SVOPL: variants seen among roughly 807,000 people sequenced by gnomAD.
The protein encoded by SVOPL is putative transporter SVOPL.
A neutral mutation model predicts 61.0 loss-of-function variants in SVOPL; 60 were observed. The ratio of observed to expected loss-of-function variants is 0.98; its 90% CI spans 0.80 to 1.22. The LOEUF (loss-of-function observed/expected upper bound fraction) is 1.22, where lower values mean the gene tolerates loss of function less well. Ranked by LOEUF, SVOPL falls within the 50% of genes most tolerant of loss-of-function variation. SVOPL has a pLI of 0.00. For synonymous variants in SVOPL, 279 were observed against 250.0 expected, an observed-to-expected ratio of 1.12 and a Z score of -1.09; for missense variants, 662 against 643.9, an observed-to-expected ratio of 1.03 and a Z score of -0.30.
At position 138,629,996 on chromosome 7, in the gene SVOPL, C is replaced by T. The variant is rs969100793; in HGVS notation, c.863+53G>A. On this transcript the variant is annotated intron_variant, in intron 10 of 15. Transcript: ENST00000674285. ...ACTCACATAGATTTACTTAAATAGG[C>T]TTCCTCCCAATGCCTCTATTTAAAA... 3 of 1,453,996 alleles carry T rather than the reference C, an allele frequency of 2.1e-6. No homozygotes were observed. The Admixed American group carries it at 5.1e-5, about 25-fold the overall frequency. The allele number at this position is 1,453,996 out of a possible 1,614,324, so 90.1% of individuals were successfully genotyped here.
At chr7:138,632,400 C>T (rs1800247935) in intron 9 of SVOPL, among the ~76,000 whole-genome samples, 1 of 152,206 alleles carries the variant, frequency 6.6e-6, no homozygotes, top group Non-Finnish European at 1.5e-5. Context: ...TGCCACTGCA[C>T]TCCAGCCTGG....
intron 4 of SVOPL, among the ~76,000 whole-genome samples, chr7:138,671,588 T>A (rs1287523827): frequency 6.6e-6 from 1 of 152,190 alleles, no homozygotes; most frequent in Non-Finnish European, 1.5e-5. Context: ...CCTCAGGTGA[T>A]CTGCCTGCCT....
At chr7:138,640,070 T>A (rs961953660) in intron 9 of SVOPL, among the ~76,000 whole-genome samples, 1 of 151,728 alleles carries the variant, frequency 6.6e-6, no homozygotes, top group Admixed American at 6.6e-5. Context: ...AAGAAATACA[T>A]TTAAAGCAAA....
chr7:138,596,020 T>C (rs112068306), intron 15 of SVOPL, among the ~76,000 whole-genome samples: 9,238 of 151,770 alleles, frequency 0.061, 339 homozygotes, highest in African/African-American at 0.094. Context: ...AAACCTCGTC[T>C]CTACCAAAAA....
intron 14 of SVOPL, among the ~76,000 whole-genome samples, chr7:138,615,429 C>T (rs542205544): frequency 7.9e-5 from 12 of 151,948 alleles, no homozygotes; most frequent in African/African-American, 2.9e-4. Context: ...TGGTGGCGGG[C>T]GCCTGTAGTC....
Position 138,621,124 on chromosome 7 carries a change from G to A in SVOPL, c.1275C>T (p.Thr425=), listed in dbSNP as rs776036019. The change falls in exon 14 of 16, where the codon ACC becomes ACT. Residue 425 remains threonine (T), a synonymous_variant. Transcript: ENST00000674285. The part of the protein sequence containing the change: ...VYIYTAEVYP[T]TMRALGMGTS... Reference sequence around the variant, plus strand: ...TTCCCATCCCCAAAGCGCGCATCGTGGTGGGGTAGACCTGCAGGGAGAGGC... The same window carrying A: ...TTCCCATCCCCAAAGCGCGCATCGTAGTGGGGTAGACCTGCAGGGAGAGGC... The A allele has an allele frequency of 1.2e-5, 19 of 1,613,386 alleles. No individual in the cohort carries two copies. The highest frequency in any genetic ancestry group is 3.3e-5 in the Admixed American group (2 of 59,926).
Position 138,630,120 on chromosome 7 carries a change from T to G in SVOPL, c.792A>C (p.Glu264Asp). 1 of 1,613,498 alleles carries G rather than the reference T, an allele frequency of 6.2e-7. No homozygotes were observed. The highest frequency in any genetic ancestry group is 1.1e-5 in the South Asian group (1 of 91,066). The change falls in exon 10 of 16, where the codon GAA becomes GAC. Residue 264 changes from glutamate to aspartate, a missense_variant and splice_region_variant. Glu to Asp is a conservative substitution (Grantham distance 45). Coordinates refer to ENST00000674285, the MANE Select transcript of SVOPL (RefSeq NM_001139456.2). Reference sequence around the variant, plus strand: ...ATAGGTCTGCAAATCTTCCTCTTTTTTCCTGGGGTAATGAAAAGGAGACAG... The same window carrying G: ...ATAGGTCTGCAAATCTTCCTCTTTTGTCCTGGGGTAATGAAAAGGAGACAG... ...PEGKLVEPVL[E>D]KRGRFADLLD...
intron 14 of SVOPL, among the ~76,000 whole-genome samples, chr7:138,608,692 C>T (rs1206821762): frequency 7.0e-6 from 1 of 143,036 alleles, no homozygotes; most frequent in Non-Finnish European, 1.5e-5. Context: ...GTGTACACTC[C>T]CCCCCCTTGC....
At chr7:138,634,720 T>C (rs1009533397) in intron 9 of SVOPL, among the ~76,000 whole-genome samples, 1 of 150,816 alleles carries the variant, frequency 6.6e-6, no homozygotes, top group East Asian at 2.0e-4. Context: ...TCCAACTACT[T>C]TGGAGGCTGA....
At position 138,667,092 on chromosome 7, in the gene SVOPL, G is replaced by T. The variant is rs1802284218; in HGVS notation, c.274-3947C>A. Among the ~76,000 whole-genome samples the T allele has an allele frequency of 2.0e-5, 3 of 152,262 alleles. No individual in the cohort carries two copies. In the South Asian group the frequency reaches 6.2e-4, roughly 32 times the overall value. ...ACCAGGGCTCCAAAGTTAATAAGAG[G>T]AGTTTTAATGAGGGAGATGGAACTA... On this transcript the variant is annotated intron_variant, in intron 4 of 15. Transcript: ENST00000674285.
chr7:138,639,090 T>TA (rs1301417567), intron 9 of SVOPL, among the ~76,000 whole-genome samples: 8 of 150,854 alleles, frequency 5.3e-5, no homozygotes, highest in African/African-American at 2.4e-5. Flanking sequence ...CCACCTCTAC[T>TA]AAAAAAATAC....
chr7:138,661,931 A>T (rs976173583), intron 5 of SVOPL: 20 of 985,184 alleles, frequency 2.0e-5, no homozygotes, highest in Non-Finnish European at 2.3e-5. Flanking sequence ...GAGCAACACC[A>T]CCCCTTACCC....
At chr7:138,597,255 A>G (rs1318613349) in intron 14 of SVOPL, 1 of 1,278,972 alleles carries the variant, frequency 7.8e-7, no homozygotes, top group Non-Finnish European at 1.0e-6. Context: ...GCTCTCTAGA[A>G]TCACAGAATA....
intron 1 of SVOPL, among the ~76,000 whole-genome samples, chr7:138,695,834 A>T (rs1803053034): frequency 6.6e-6 from 1 of 152,048 alleles, no homozygotes; most frequent in Non-Finnish European, 1.5e-5. Flanking sequence ...CCCAGGCTGG[A>T]GTACAGTGGC....
chr7:138,615,732 T>G, intron 14 of SVOPL, among the ~76,000 whole-genome samples: 1 of 120,950 alleles, frequency 8.3e-6, no homozygotes, highest in Non-Finnish European at 1.8e-5. Context: ...GAGGCGGAGG[T>G]TGCAGTGAGC....
At chr7:138,609,082 A>T (rs1317112839) in intron 14 of SVOPL, among the ~76,000 whole-genome samples, 2 of 152,206 alleles carry the variant, frequency 1.3e-5, no homozygotes, top group Non-Finnish European at 2.9e-5. Flanking sequence ...ACCCAATTAA[A>T]ATATGAATAA....
chr7:138,622,120 A>G (rs1295837718), intron 13 of SVOPL, among the ~76,000 whole-genome samples: 2 of 139,160 alleles, frequency 1.4e-5, no homozygotes, highest in African/African-American at 5.1e-5. Context: ...CTATCTATCT[A>G]TGTATCTATC....
intron 3 of SVOPL, among the ~76,000 whole-genome samples, chr7:138,673,194 A>C (rs1020899882): frequency 6.6e-6 from 1 of 152,148 alleles, no homozygotes; most frequent in South Asian, 2.1e-4. Flanking sequence ...TATGACTTGG[A>C]GGTCTGGGAT....
At chr7:138,631,864 C>T (rs1421580493) in intron 9 of SVOPL, among the ~76,000 whole-genome samples, 4 of 151,876 alleles carry the variant, frequency 2.6e-5, no homozygotes, top group African/African-American at 9.7e-5. Flanking sequence ...CCACCATGCC[C>T]GGCAGGCTCA....
Sources: gnomAD v4.1 joint callset for allele counts (sites outside exome capture counted in the v4.1 genomes callset) on GRCh38, gnomAD v4.1.1 for gene constraint, MANE v1.5 for transcripts, NCBI Gene and HGNC (gene_info 2026-07-23, HGNC 2026-07-21) for gene names.